EYS: variants seen among roughly 807,000 people sequenced by gnomAD.
The protein encoded by EYS is protein eyes shut homolog.
A neutral mutation model predicts 282.1 loss-of-function variants in EYS; 250 were observed. The observed-to-expected ratio is 0.89, with a 90% CI of 0.80 to 0.98. The LOEUF (loss-of-function observed/expected upper bound fraction) is 0.98. EYS is among the 50% of genes least tolerant of loss of function. The pLI is 0.00. For synonymous variants in EYS, 1,355 were observed against 1,282.9 expected, an observed-to-expected ratio of 1.06 and a Z score of -1.20; for missense variants, 4,016 against 3,709.0, an observed-to-expected ratio of 1.08 and a Z score of -2.15.
At chr6:65,163,274 A>C (rs1308129481) in intron 12 of EYS, among the ~76,000 whole-genome samples, 1 of 151,274 alleles carries the variant, frequency 6.6e-6, no homozygotes, top group Non-Finnish European at 1.5e-5. Flanking sequence ...TTTTGAAAAC[A>C]CAGTTCGTAA....
chr6:65,001,976 T>A lies in EYS; in HGVS notation c.2138-4273A>T, dbSNP rs533084871. On this transcript the variant is annotated intron_variant, in intron 13 of 42. Coordinates refer to ENST00000503581, the MANE Select transcript of EYS (RefSeq NM_001142800.2). ...AATTTTAATAGGTAGTATTGCATTA[T>A]AAGTAACATTATAAATTGCATTTTC... Among the ~76,000 whole-genome samples, 18 of 147,160 alleles carry A rather than the reference T, an allele frequency of 1.2e-4. 2 individuals carry two copies. The highest frequency in any genetic ancestry group is 2.3e-4 in the Non-Finnish European group (15 of 65,858).
chr6:65,345,244 G>T (rs192532893), intron 9 of EYS, among the ~76,000 whole-genome samples: 70 of 151,752 alleles, frequency 4.6e-4, no homozygotes, highest in Middle Eastern at 3.4e-3. Flanking sequence ...GAAAATTATG[G>T]CTATGTTAAT....
intron 29 of EYS, among the ~76,000 whole-genome samples, chr6:64,327,787 G>T (rs614395): frequency 6.0e-4 from 92 of 152,076 alleles, no homozygotes; most frequent in African/African-American, 2.2e-3. Flanking sequence ...AGAAAGTCCA[G>T]CCCTCTATGC....
rs550005181 is a variant in EYS, at chr6:64,447,337, A to C, written c.5645-7985T>G. Among the ~76,000 whole-genome samples the C allele has an allele frequency of 2.6e-5, 4 of 152,248 alleles. No homozygotes were observed. The East Asian group carries it at 7.7e-4, about 29-fold the overall frequency. ...AATCCAACTTTACATAATCCATTTT[A>C]GCTCATCCCAATTAGCTTAATACCC... On this transcript the variant is annotated intron_variant, in intron 26 of 42. Coordinates refer to ENST00000503581, the MANE Select transcript of EYS (RefSeq NM_001142800.2).
chr6:64,439,113 T>G, intron 27 of EYS, 49 bp downstream of exon 27: 1 of 1,052,260 alleles, frequency 9.5e-7, no homozygotes, highest in East Asian at 2.9e-5. Flanking sequence ...AGCACATAAT[T>G]AGAACAACTT....
intron 35 of EYS, among the ~76,000 whole-genome samples, chr6:63,951,613 C>T (rs1288057664): frequency 2.6e-5 from 4 of 152,176 alleles, no homozygotes; most frequent in Non-Finnish European, 5.9e-5. Context: ...AATTCTTCCT[C>T]AGCTTCTGCT....
intron 36 of EYS, among the ~76,000 whole-genome samples, chr6:63,835,238 CTG>C (rs1051165178): frequency 2.0e-5 from 3 of 149,902 alleles, no homozygotes; most frequent in Admixed American, 6.7e-5. Context: ...TATAAAGAAA[CTG>C]TGGTATGTGT....
chr6:64,895,915 G>A (rs1767445821), intron 18 of EYS, among the ~76,000 whole-genome samples: 1 of 151,924 alleles, frequency 6.6e-6, no homozygotes, highest in Non-Finnish European at 1.5e-5. Context: ...CTAGTGTAAA[G>A]AAAAGTTAAA....
chr6:64,792,429 G>A (rs932371558), intron 22 of EYS, among the ~76,000 whole-genome samples: 1 of 151,842 alleles, frequency 6.6e-6, no homozygotes, highest in African/African-American at 2.4e-5. Context: ...CCAAGTTTAT[G>A]ATCATAGGCT....
intron 1 of EYS, among the ~76,000 whole-genome samples, chr6:65,663,866 CTTTTTT>C (rs66999581): frequency 1.2e-4 from 9 of 75,920 alleles, no homozygotes; most frequent in African/African-American, 4.1e-4. Context: ...TTTTTCTTTT[CTTTTTT>C]TTTTTTTTTT....
At chr6:65,461,337 T>C (rs1445740827) in intron 5 of EYS, among the ~76,000 whole-genome samples, 1 of 152,236 alleles carries the variant, frequency 6.6e-6, no homozygotes, top group East Asian at 1.9e-4. Flanking sequence ...AAAACTTCAC[T>C]CAACATTTGT....
At chr6:65,200,058 C>T (rs577292201) in intron 12 of EYS, among the ~76,000 whole-genome samples, 18 of 152,156 alleles carry the variant, frequency 1.2e-4, no homozygotes, top group African/African-American at 4.3e-4. Context: ...TGAAATGGCT[C>T]AAGACGATAA....
chr6:63,868,711 A>G (rs1014384165), intron 35 of EYS, among the ~76,000 whole-genome samples: 4 of 152,196 alleles, frequency 2.6e-5, no homozygotes, highest in African/African-American at 9.6e-5. Context: ...CTGTGGTTCA[A>G]GTAGAACTTT....
intron 13 of EYS, among the ~76,000 whole-genome samples, chr6:65,056,808 TTAAA>T (rs1267011374): frequency 1.3e-5 from 2 of 152,088 alleles, no homozygotes; most frequent in Non-Finnish European, 2.9e-5. Flanking sequence ...ATTGTGGTAT[TTAAA>T]TAACATTTCT....
At chr6:64,579,374 A>G (rs534103194) in intron 26 of EYS, among the ~76,000 whole-genome samples, 39 of 152,224 alleles carry the variant, frequency 2.6e-4, no homozygotes, top group Admixed American at 1.6e-3. Context: ...TCCAATGCCA[A>G]CTCACTGGAA....
At chr6:64,336,025 T>C (rs1284274505) in intron 29 of EYS, among the ~76,000 whole-genome samples, 3 of 152,052 alleles carry the variant, frequency 2.0e-5, no homozygotes, top group Non-Finnish European at 4.4e-5. Flanking sequence ...ATAGAAATTC[T>C]TTAAAGCATA....
At chr6:65,183,749 T>C (rs1429219603) in intron 12 of EYS, among the ~76,000 whole-genome samples, 1 of 151,864 alleles carries the variant, frequency 6.6e-6, no homozygotes, top group African/African-American at 2.4e-5. Context: ...ATGTGTCATA[T>C]AGATGGAGAC....
chr6:65,580,778 A>G (rs772592094), intron 2 of EYS, among the ~76,000 whole-genome samples: 2 of 152,066 alleles, frequency 1.3e-5, no homozygotes, highest in East Asian at 3.9e-4. Flanking sequence ...AATATAGCTA[A>G]TGTTCTAACC....
chr6:64,669,618 T>G (rs1182236946), intron 22 of EYS, among the ~76,000 whole-genome samples: 1 of 152,248 alleles, frequency 6.6e-6, no homozygotes, highest in African/African-American at 2.4e-5. Flanking sequence ...TGCAATGGAC[T>G]GTGCTTTAAT....
Sources: allele counts gnomAD v4.1 joint callset (sites outside exome capture counted in the v4.1 genomes callset), GRCh38; gene constraint gnomAD v4.1.1; transcripts MANE v1.5; gene names NCBI Gene and HGNC (gene_info 2026-07-23, HGNC 2026-07-21).